The following BATF2 variants were observed in gnomAD, a reference collection of about 807,000 sequenced individuals.
The protein encoded by BATF2 is basic leucine zipper transcriptional factor ATF-like 2.
Under a neutral mutation model 7.3 loss-of-function variants are expected in BATF2, and 4 were observed. The ratio of observed to expected loss-of-function variants is 0.55; its 90% confidence interval spans 0.27 to 1.26. The LOEUF is 1.26. Among genes scored for constraint, BATF2 ranks in the 50% most tolerant of loss-of-function variants. The pLI, the probability that BATF2 is intolerant of heterozygous loss-of-function variation, is 0.11. For missense variants in BATF2, 295 were observed against 340.5 expected (o/e 0.87, Z 1.05); for synonymous variants, 152 against 153.9 (o/e 0.99, Z 0.09).
In BATF2 at chr11:64,989,948, T is replaced by C. The variant is rs1465108271; in HGVS notation, c.142-136A>G. 9 of 1,447,018 alleles carry C rather than the reference T, an allele frequency of 6.2e-6. No homozygotes were observed. In the Admixed American group the frequency reaches 1.8e-4, roughly 29 times the overall value. The allele number at this position is 1,447,018 out of a possible 1,614,324, so 89.6% of individuals were successfully genotyped here. On this transcript the variant is annotated intron_variant, in intron 2 of 2. Coordinates refer to ENST00000301887, the MANE Select transcript of BATF2 (RefSeq NM_138456.4). The surrounding 1 kb of genome is among the most constrained non-coding windows in gnomAD (Gnocchi z 4.3). ...ATTGGAATAGCCAAGTGGGGTCTCT[T>C]GGCCACTCTCTGGCCAGCCCTTCAT...
chr11:64,993,674 T>C (rs1356293136), intron 2 of BATF2, among the ~76,000 whole-genome samples: 1 of 152,032 alleles, frequency 6.6e-6, no homozygotes, highest in Non-Finnish European at 1.5e-5. Flanking sequence ...TGAACCAGAG[T>C]TCTCACAGTA....
intron 2 of BATF2, among the ~76,000 whole-genome samples, chr11:64,991,245 C>A (rs1482780733): frequency 6.6e-6 from 1 of 151,530 alleles, no homozygotes; most frequent in African/African-American, 2.4e-5. Flanking sequence ...CAACCTCTGC[C>A]TCCCAGGTTC....
intron 2 of BATF2, 21 bp downstream of exon 2, chr11:64,994,427 G>A: frequency 6.4e-7 from 1 of 1,557,980 alleles, no homozygotes; most frequent in Non-Finnish European, 8.7e-7. Flanking sequence ...GACAAGGAAA[G>A]GGGTTAGGGG....
At position 64,989,756 on chromosome 11, in the gene BATF2, C is replaced by T. The variant is rs751407450; in HGVS notation, c.198G>A (p.Leu66=). Residue 66 remains leucine, a synonymous_variant, in exon 3 of 3, where the codon CTG becomes CTA. Coordinates refer to ENST00000301887, the MANE Select transcript of BATF2 (RefSeq NM_138456.4). This position sits in a 1 kb window ranked among gnomAD's most constrained non-coding sequence, Gnocchi z 4.3. ...NLALRKEIQS[L]QAELAWWSRT... is the part of the protein sequence containing the mutation. ...GGCTCCACCACGCCAGCTCGGCCTG[C>T]AGGGACTGGATCTCCTTCCGCAGGG... is the stretch of plus-strand genomic sequence containing the variant. The T allele has an allele frequency of 1.4e-5, 22 of 1,613,892 alleles. No individual in the cohort carries two copies. The highest frequency in any genetic ancestry group is 1.7e-5 in the Non-Finnish European group (20 of 1,180,034).
intron 2 of BATF2, among the ~76,000 whole-genome samples, chr11:64,993,739 G>T (rs183086098): frequency 6.6e-6 from 1 of 152,072 alleles, no homozygotes; most frequent in African/African-American, 2.4e-5. Flanking sequence ...ACAAATCACC[G>T]TGCAGGTCCC....
Position 64,994,507 on chromosome 11 carries a change from G to T in BATF2, c.82C>A (p.Arg28=). The part of the protein sequence containing the change: ...QQRQLKKQKN[R]AAAQRSRQKH... The stretch of plus-strand genomic sequence containing the variant: ...TGCCGGCTTCGCTGGGCGGCTGCCC[G>T]GTTCTTCTGCTTCTTCAGCTGCCTT... The change falls in exon 2 of 3, where the codon CGG becomes AGG. Residue 28 remains arginine, a synonymous_variant. Transcript: ENST00000301887. 4 of 1,604,204 alleles carry T rather than the reference G, an allele frequency of 2.5e-6. No homozygotes were observed. The highest frequency in any genetic ancestry group is 2.6e-6 in the Non-Finnish European group (3 of 1,175,454).
chr11:64,989,205 T>G lies in BATF2; in HGVS notation c.749A>C (p.Gln250Pro). Residue 250 changes from glutamine (Q) to proline (P), a missense_variant, in exon 3 of 3, where the codon CAA (glutamine) becomes CCA (proline). By Grantham distance (76) the Gln-to-Pro change is moderately conservative. Coordinates refer to ENST00000301887, the MANE Select transcript of BATF2 (RefSeq NM_138456.4). This position sits in a 1 kb window ranked among gnomAD's most constrained non-coding sequence, Gnocchi z 4.3. ...AGGGCTGGGATCCACAACCAGCCCT[T>G]GCCAAGTGGCTGCTGAGAGAGCAGG... ...HKPALSAATW[Q>P]GLVVDPSPHP... The G allele has an allele frequency of 6.2e-7, 1 of 1,614,030 alleles. No homozygotes were observed. Among genetic ancestry groups the G allele is most frequent in the Non-Finnish European group, 8.5e-7 (1 of 1,179,990 alleles).
In BATF2 at chr11:64,988,974, G is replaced by A. The variant is rs1206069625; in HGVS notation, c.*155C>T. 2 of 719,216 alleles carry A rather than the reference G, an allele frequency of 2.8e-6. No homozygotes were observed. The highest frequency in any genetic ancestry group is 1.8e-5 in the African/African-American group (1 of 56,548). The allele number at this position is 719,216 out of a possible 1,614,324, so 44.6% of individuals were successfully genotyped here. A position where few individuals can be genotyped will look rare whatever the true frequency, so the allele number is the denominator to read the frequency against. ...GGTGGTGACAGGGCCTGTCACAGTG[G>A]GAGGCATCAGTGGTGGCTTCCTTTT... On this transcript the variant is annotated 3_prime_UTR_variant, in exon 3 of 3. Coordinates refer to ENST00000301887, the MANE Select transcript of BATF2 (RefSeq NM_138456.4).
At chr11:64,996,593 G>C (rs964057762) in intron 1 of BATF2, among the ~76,000 whole-genome samples, 1 of 152,198 alleles carries the variant, frequency 6.6e-6, no homozygotes, top group African/African-American at 2.4e-5. Context: ...AGTGTAGTGA[G>C]GGGGGACCAG....
In BATF2 at chr11:64,988,083, C is replaced by CA. The variant is rs1192906467; in HGVS notation, c.*1045dup. The CA allele has an allele frequency of 2.6e-5, 4 of 152,196 alleles. No homozygotes were observed. The highest frequency in any genetic ancestry group is 9.7e-5 in the African/African-American group (4 of 41,428). 9.4% of individuals were successfully genotyped at this position (152,196 alleles called of 1,614,324 possible). On this transcript the variant is annotated 3_prime_UTR_variant, in exon 3 of 3. Transcript: ENST00000301887. ...GTGAAGAGCCAGGGTTTCTCTCCCC[C>CA]ACCCGCCTCAGAGTGCTTGTCCTGG...
intron 2 of BATF2, among the ~76,000 whole-genome samples, chr11:64,992,619 G>C (rs1405700509): frequency 6.6e-6 from 1 of 152,008 alleles, no homozygotes; most frequent in Admixed American, 6.6e-5. Context: ...CCAGCACTTT[G>C]GGAGGCCGAG....
chr11:64,996,453 C>T (rs1057417835), intron 1 of BATF2, among the ~76,000 whole-genome samples: 5 of 152,222 alleles, frequency 3.3e-5, no homozygotes, highest in East Asian at 1.9e-4. Flanking sequence ...GACGGGGTTT[C>T]GCCATGTTGG....
chr11:64,991,456 GA>G (rs1380609275), intron 2 of BATF2, among the ~76,000 whole-genome samples: 2 of 152,020 alleles, frequency 1.3e-5, no homozygotes, highest in African/African-American at 4.8e-5. Context: ...TGCCTGGCCG[GA>G]ATGATGGACA....
At chr11:64,995,953 C>CTTTAT (rs565630880) in intron 1 of BATF2, among the ~76,000 whole-genome samples, 4,464 of 152,038 alleles carry the variant, frequency 0.029, 101 homozygotes, top group Non-Finnish European at 0.046. Flanking sequence ...TATTATTTTA[C>CTTTAT]TTTATTTTAT....
At position 64,990,074 on chromosome 11, in the gene BATF2, C is replaced by T. The variant is rs1176165648; in HGVS notation, c.142-262G>A. On this transcript the variant is annotated intron_variant, in intron 2 of 2. Transcript: ENST00000301887. ...GCCCTGAGCCGGTGCCATTTCTCAC[C>T]TGGGATATGCACGGGCCTCCAACCC... The T allele has an allele frequency of 2.0e-6, 3 of 1,536,306 alleles. No homozygotes were observed. The East Asian group carries it at 7.3e-5, about 38-fold the overall frequency.
At chr11:64,994,083 C>T (rs959556146) in intron 2 of BATF2, among the ~76,000 whole-genome samples, 2 of 152,186 alleles carry the variant, frequency 1.3e-5, no homozygotes, top group Non-Finnish European at 2.9e-5. Flanking sequence ...CAGGTGTGAG[C>T]CACAGTGCCC....
intron 1 of BATF2, among the ~76,000 whole-genome samples, chr11:64,996,663 A>G (rs985719696): frequency 2.0e-5 from 3 of 152,248 alleles, no homozygotes; most frequent in African/African-American, 7.2e-5. Flanking sequence ...CTGGATCTGC[A>G]ATGTGAGAGC....
At position 64,994,451 on chromosome 11, in the gene BATF2, G is replaced by A. The variant is rs1946096527; in HGVS notation, c.138C>T (p.His46=). 4.4e-6 allele frequency: 7 copies of A among 1,578,726 alleles called. No homozygotes were observed. In the South Asian group the frequency reaches 4.6e-5, roughly 10 times the overall value. The stretch of plus-strand genomic sequence containing the variant: ...AGGGGTTAGGGGTTGTCCACACCTG[G>A]TGCAGGGCGTCTGCCTTGTCTGTGT... ...QKHTDKADAL[H]QQHESLEKDN... The change falls in exon 2 of 3, where the codon CAC becomes CAT. Residue 46 remains histidine (H), a synonymous_variant. Transcript: ENST00000301887.
intron 2 of BATF2, chr11:64,990,455 A>G (rs1946067189): frequency 2.3e-6 from 3 of 1,285,780 alleles, no homozygotes; most frequent in Non-Finnish European, 3.0e-6. Flanking sequence ...GAGGGCCCAG[A>G]ACTCGCCCCT....
Sources: allele counts gnomAD v4.1 joint callset (sites outside exome capture counted in the v4.1 genomes callset), GRCh38; gene constraint gnomAD v4.1.1; non-coding constraint Gnocchi (gnomAD v3.1); transcripts MANE v1.5; gene names NCBI Gene and HGNC (gene_info 2026-07-23, HGNC 2026-07-21).